TMEM154: variants seen among roughly 807,000 people sequenced by gnomAD.
The protein encoded by TMEM154 is transmembrane protein 154.
A neutral mutation model predicts 24.5 loss-of-function variants in TMEM154; 27 were observed. That is an observed-to-expected ratio of 1.10 (90% confidence interval 0.81 to 1.52). TMEM154 has a LOEUF of 1.52. Ranked by LOEUF, TMEM154 falls within the 40% of genes most tolerant of loss-of-function variation. The pLI, the probability that TMEM154 is intolerant of heterozygous loss-of-function variation, is 0.00. For missense variants in TMEM154, 228 were observed against 213.4 expected, an observed-to-expected ratio of 1.07 and a Z score of -0.43; for synonymous variants, 67 against 76.8, an observed-to-expected ratio of 0.87 and a Z score of 0.67.
intron 4 of TMEM154, among the ~76,000 whole-genome samples, chr4:152,643,515 A>G (rs554113973): frequency 7.2e-5 from 11 of 152,192 alleles, no homozygotes; most frequent in Non-Finnish European, 1.3e-4. Flanking sequence ...GAGTTGCCAT[A>G]TGAAGCATTT....
rs1183282667 is a variant in TMEM154, at chr4:152,622,306, G to A, written c.*6240C>T. 1 of 152,058 alleles carries A rather than the reference G, an allele frequency of 6.6e-6. No individual in the cohort carries two copies. The highest frequency in any genetic ancestry group is 2.4e-5 in the African/African-American group (1 of 41,416). 9.4% of individuals were successfully genotyped at this position (152,058 alleles called of 1,614,324 possible). A position where few individuals can be genotyped will look rare whatever the true frequency, so the allele number is the denominator to read the frequency against. ...GCAGGCCCCTTTTTGAATTGGTATT[G>A]TTTCGTTTATTTAAAGAATTATATG... On this transcript the variant is annotated 3_prime_UTR_variant, in exon 7 of 7. Coordinates refer to ENST00000304385, the MANE Select transcript of TMEM154 (RefSeq NM_152680.3).
At chr4:152,647,163 G>C (rs912473999) in intron 3 of TMEM154, 22 of 981,952 alleles carry the variant, frequency 2.2e-5, no homozygotes, top group Middle Eastern at 5.2e-4. Context: ...TCCTAGTATA[G>C]TATAACAGAC....
intron 1 of TMEM154, chr4:152,669,121 C>A (rs185351033): frequency 6.6e-6 from 1 of 152,154 alleles, no homozygotes; most frequent in Non-Finnish European, 1.5e-5. Flanking sequence ...TAGTTTTTAA[C>A]GTGATTACAT....
chr4:152,639,102 C>T (rs2149779767), intron 6 of TMEM154, among the ~76,000 whole-genome samples: 1 of 152,250 alleles, frequency 6.6e-6, no homozygotes, highest in South Asian at 2.1e-4. Context: ...AGGTGCCCGC[C>T]ACAACGCCTG....
chr4:152,640,890 GCCA>G, intron 6 of TMEM154, 35 bp downstream of exon 6: 2 of 699,706 alleles, frequency 2.9e-6, no homozygotes, highest in Non-Finnish European at 2.4e-6. Context: ...CCCGCCCCCC[GCCA>G]TATACATGTA....
chr4:152,638,941 C>CA (rs947047754), intron 6 of TMEM154, among the ~76,000 whole-genome samples: 2 of 151,918 alleles, frequency 1.3e-5, no homozygotes, highest in African/African-American at 4.8e-5. Flanking sequence ...CTCATTATTT[C>CA]AAAAATCTGA....
Position 152,665,873 on chromosome 4 carries a change from G to T in TMEM154, c.65-12946C>A, listed in dbSNP as rs185507401. Among the ~76,000 whole-genome samples, 287 of 148,492 alleles carry T rather than the reference G, an allele frequency of 1.9e-3. 2 individuals are homozygous for T. Among genetic ancestry groups the T allele is most frequent in the Middle Eastern group, 6.9e-3 (2 of 288 alleles). On this transcript the variant is annotated intron_variant, in intron 1 of 6. Coordinates refer to ENST00000304385, the MANE Select transcript of TMEM154 (RefSeq NM_152680.3). ...TATGAACATGGCTCACTGCAGCCTT[G>T]CACTCCTGGGCTCAAGCAAACCTCC...
At chr4:152,642,850 C>T (rs1272034216) in intron 5 of TMEM154, among the ~76,000 whole-genome samples, 4 of 152,062 alleles carry the variant, frequency 2.6e-5, no homozygotes, top group African/African-American at 9.7e-5. Context: ...AATAAAATAC[C>T]ATTTTCTGCT....
intron 1 of TMEM154, among the ~76,000 whole-genome samples, chr4:152,654,074 T>A (rs1028087241): frequency 2.0e-5 from 3 of 151,286 alleles, no homozygotes; most frequent in Non-Finnish European, 3.0e-5. Context: ...AAAAGGAAAA[T>A]AAAAACCATC....
At chr4:152,634,446 C>T (rs1752109525) in intron 6 of TMEM154, among the ~76,000 whole-genome samples, 1 of 152,158 alleles carries the variant, frequency 6.6e-6, no homozygotes. Context: ...TTAGATCAGG[C>T]TCCCTTTCTC....
At position 152,650,706 on chromosome 4, in the gene TMEM154, A is replaced by G. The variant is rs185214924; in HGVS notation, c.364+1832T>C. On this transcript the variant is annotated intron_variant, in intron 3 of 6. Coordinates refer to ENST00000304385, the MANE Select transcript of TMEM154 (RefSeq NM_152680.3). ...AGATTTATCAGAGGACTCACCATCTATGGCAGCTATGGCCTTACAAAATGT... is the reference window on the plus strand; with the variant it reads ...AGATTTATCAGAGGACTCACCATCTGTGGCAGCTATGGCCTTACAAAATGT... 9.3e-4 allele frequency among the ~76,000 whole-genome samples: 142 copies of G among 152,352 alleles called. 1 individual carries two copies. The highest frequency in any genetic ancestry group is 3.1e-3 in the African/African-American group (127 of 41,580).
At chr4:152,662,412 G>A (rs567648870) in intron 1 of TMEM154, among the ~76,000 whole-genome samples, 1 of 152,184 alleles carries the variant, frequency 6.6e-6, no homozygotes, top group South Asian at 2.1e-4. Context: ...TGTGCAAGGA[G>A]GAATCAAATG....
chr4:152,634,039 A>G (rs1475866590), intron 6 of TMEM154, among the ~76,000 whole-genome samples: 2 of 150,492 alleles, frequency 1.3e-5, no homozygotes, highest in African/African-American at 4.9e-5. Flanking sequence ...CTCAAAAAAA[A>G]AAAAAAAAAA....
intron 1 of TMEM154, among the ~76,000 whole-genome samples, chr4:152,670,687 C>T (rs1419426432): frequency 6.6e-6 from 1 of 152,118 alleles, no homozygotes; most frequent in African/African-American, 2.4e-5. Flanking sequence ...ACTGGGTTAA[C>T]TAAAAATAAC....
chr4:152,649,549 T>C (rs960551352), intron 3 of TMEM154, among the ~76,000 whole-genome samples: 1 of 152,220 alleles, frequency 6.6e-6, no homozygotes, highest in Non-Finnish European at 1.5e-5. Context: ...CCTCCAGGAC[T>C]TTTCAAGATC....
intron 6 of TMEM154, among the ~76,000 whole-genome samples, chr4:152,634,675 G>T (rs530015147): frequency 1.3e-5 from 2 of 152,148 alleles, no homozygotes; most frequent in Non-Finnish European, 2.9e-5. Context: ...ACACACGTGC[G>T]CACGTGCATC....
intron 1 of TMEM154, among the ~76,000 whole-genome samples, chr4:152,674,190 T>G (rs1323149700): frequency 6.6e-6 from 1 of 152,072 alleles, no homozygotes; most frequent in African/African-American, 2.4e-5. Flanking sequence ...CGGAGTTATA[T>G]CTACCAATGC....
intron 6 of TMEM154, among the ~76,000 whole-genome samples, chr4:152,637,545 C>A (rs1055752316): frequency 1.4e-5 from 2 of 145,542 alleles, no homozygotes; most frequent in Non-Finnish European, 3.0e-5. Flanking sequence ...AACTCAGTCT[C>A]GAAAAAAAAA....
At chr4:152,638,469 A>T (rs959776155) in intron 6 of TMEM154, among the ~76,000 whole-genome samples, 1 of 152,196 alleles carries the variant, frequency 6.6e-6, no homozygotes. Flanking sequence ...TTCGCCCACC[A>T]GTATTGATGT....
Sources: gnomAD v4.1 joint callset for allele counts (sites outside exome capture counted in the v4.1 genomes callset) on GRCh38, gnomAD v4.1.1 for gene constraint, MANE v1.5 for transcripts, NCBI Gene and HGNC (gene_info 2026-07-23, HGNC 2026-07-21) for gene names.